Variants in CEP350 observed in about 807,000 individuals in gnomAD.
CEP350 encodes the protein centrosomal protein 350, also known as centrosome-associated protein 350.
In CEP350, 126 loss-of-function variants were observed where a neutral mutation model predicts 331.8. The ratio of observed to expected loss-of-function variants is 0.38; its 90% CI spans 0.33 to 0.44. The LOEUF is 0.44. Ranked by LOEUF, CEP350 falls within the 20% of genes least tolerant of loss-of-function variation. CEP350 has a pLI of 1.00. For synonymous variants in CEP350, 1,200 were observed against 1,259.5 expected (o/e 0.95, Z 1.00); for missense variants, 3,406 against 3,634.6 (o/e 0.94, Z 1.62).
At chr1:180,007,067 CAT>C (rs1470345244) in intron 8 of CEP350, among the ~76,000 whole-genome samples, 3 of 152,174 alleles carry the variant, frequency 2.0e-5, no homozygotes, top group Non-Finnish European at 4.4e-5. Flanking sequence ...CTGCAATAAA[CAT>C]ATGTGTGCAT....
intron 20 of CEP350, among the ~76,000 whole-genome samples, chr1:180,043,559 A>G (rs1656909639): frequency 6.6e-6 from 1 of 152,208 alleles, no homozygotes; most frequent in Non-Finnish European, 1.5e-5. Flanking sequence ...AGCTAGATCA[A>G]AGGCCCTGAA....
intron 27 of CEP350, among the ~76,000 whole-genome samples, chr1:180,066,810 G>A (rs1374986271): frequency 6.6e-6 from 1 of 152,122 alleles, no homozygotes; most frequent in Non-Finnish European, 1.5e-5. Flanking sequence ...TGGGCGTACT[G>A]TATTGTTCCA....
chr1:180,057,497 T>A (rs1288145521), intron 25 of CEP350, among the ~76,000 whole-genome samples: 2 of 151,932 alleles, frequency 1.3e-5, no homozygotes, highest in African/African-American at 2.4e-5. Context: ...GTGCCTCTAT[T>A]ATTACTATTG....
In CEP350 at chr1:180,040,649, T is replaced by A. The variant is rs555997518; in HGVS notation, c.4111-489T>A. ...ATTTCAAAGGAGATGAAAAAAAAAATATATATATATATTTATAGATAACAT... is the reference window on the plus strand; with the variant it reads ...ATTTCAAAGGAGATGAAAAAAAAAAAATATATATATATTTATAGATAACAT... On this transcript the variant is annotated intron_variant, in intron 17 of 37. Coordinates refer to ENST00000367607, the MANE Select transcript of CEP350 (RefSeq NM_014810.5). 4.5e-3 allele frequency among the ~76,000 whole-genome samples: 671 copies of A among 149,246 alleles called. 2 individuals carry two copies. The highest frequency in any genetic ancestry group is 0.011 in the Middle Eastern group (3 of 282).
intron 32 of CEP350, among the ~76,000 whole-genome samples, chr1:180,088,142 T>A (rs1659967054): frequency 6.6e-6 from 1 of 152,118 alleles, no homozygotes; most frequent in Non-Finnish European, 1.5e-5. Flanking sequence ...TATAATAACA[T>A]TCGTTATATT....
chr1:180,090,766 G>A lies in CEP350; in HGVS notation c.6478G>A (p.Gly2160Arg). 2 of 1,551,116 alleles carry A rather than the reference G, an allele frequency of 1.3e-6. No individual in the cohort carries two copies. The highest frequency in any genetic ancestry group is 2.4e-5 in the South Asian group (2 of 83,472). The change falls in exon 33 of 38, where the codon GGA (glycine) becomes AGA (arginine). Residue 2160 changes from glycine (G) to arginine (R), a missense_variant. By Grantham distance (125) the Gly-to-Arg change is moderately radical. Transcript: ENST00000367607. The part of the protein sequence containing the change: ...KSLTESERSR[G>R]SLESIAEHVD... Reference sequence around the variant, plus strand: ...ACTAACAGAGTCAGAACGTTCCAGAGGATCCCTGGAGTCTATTGCTGAACA... The same window carrying A: ...ACTAACAGAGTCAGAACGTTCCAGAAGATCCCTGGAGTCTATTGCTGAACA...
chr1:180,080,735 T>G, intron 30 of CEP350, 74 bp downstream of exon 30: 1 of 1,322,822 alleles, frequency 7.6e-7, no homozygotes, highest in East Asian at 2.3e-5. Context: ...TTCAAGGAGT[T>G]TGTTGACCTT....
chr1:180,079,987 C>T (rs1659461926), intron 29 of CEP350, among the ~76,000 whole-genome samples: 1 of 152,122 alleles, frequency 6.6e-6, no homozygotes, highest in Non-Finnish European at 1.5e-5. Flanking sequence ...CTGTTCTAAT[C>T]CCCAAGCTAG....
rs74928220 is a variant in CEP350, at chr1:180,009,514, C to G, written c.1247-2415C>G. Reference sequence around the variant, plus strand: ...TAGAGAGTCATTAAATATGCTAAAGCTGTATTAATAGTTTATGTAGTGAAA... The same window carrying G: ...TAGAGAGTCATTAAATATGCTAAAGGTGTATTAATAGTTTATGTAGTGAAA... On this transcript the variant is annotated intron_variant, in intron 8 of 37. Coordinates refer to ENST00000367607, the MANE Select transcript of CEP350 (RefSeq NM_014810.5). Among the ~76,000 whole-genome samples the G allele has an allele frequency of 4.6e-3, 698 of 152,204 alleles. 6 individuals carry two copies. The highest frequency in any genetic ancestry group is 0.016 in the African/African-American group (661 of 41,552).
intron 32 of CEP350, among the ~76,000 whole-genome samples, chr1:180,088,133 A>G (rs1659966748): frequency 6.6e-6 from 1 of 152,208 alleles, no homozygotes; most frequent in East Asian, 1.9e-4. Context: ...GAATATATTT[A>G]TAATAACATT....
intron 7 of CEP350, among the ~76,000 whole-genome samples, chr1:180,004,894 G>GCTTT (rs1491483049): frequency 4.8e-4 from 29 of 59,942 alleles, no homozygotes; most frequent in African/African-American, 1.1e-3. Context: ...TTGCTTGCTT[G>GCTTT]CTTGCTTGCT....
intron 6 of CEP350, among the ~76,000 whole-genome samples, chr1:180,001,460 T>A (rs983320622): frequency 6.6e-6 from 1 of 152,138 alleles, no homozygotes; most frequent in Non-Finnish European, 1.5e-5. Context: ...GGTTTCGCCA[T>A]GTTGGCCAGG....
intron 37 of CEP350, among the ~76,000 whole-genome samples, chr1:180,106,502 A>G (rs761735510): frequency 1.3e-5 from 2 of 152,150 alleles, no homozygotes; most frequent in African/African-American, 4.8e-5. Flanking sequence ...TTCAACATCA[A>G]CTGTAGCTCT....
intron 26 of CEP350, 126 bp downstream of exon 26, chr1:180,062,492 C>T: frequency 1.6e-6 from 2 of 1,219,916 alleles, no homozygotes; most frequent in Non-Finnish European, 2.1e-6. Context: ...GGATAAAGTT[C>T]TATGGATGGG....
intron 37 of CEP350, among the ~76,000 whole-genome samples, chr1:180,106,367 G>A (rs1661143925): frequency 6.6e-6 from 1 of 152,014 alleles, no homozygotes; most frequent in African/African-American, 2.4e-5. Flanking sequence ...ATAGCTTTGG[G>A]GCTTTACGTA....
At position 179,954,898 on chromosome 1, in the gene CEP350, T is replaced by A. The variant is rs1326386993; in HGVS notation, c.-258T>A. 18 of 570,744 alleles carry A rather than the reference T, an allele frequency of 3.2e-5. No individual in the cohort carries two copies. Among genetic ancestry groups the A allele is most frequent in the Non-Finnish European group, 5.5e-6 (2 of 363,696 alleles). 35.4% of individuals were successfully genotyped at this position (570,744 alleles called of 1,614,324 possible). ...GGGCCAGACCTGCGCCAGAGAGAAC[T>A]GCAGGGAGCCGCAGCTCGGGGGGTG... On this transcript the variant is annotated 5_prime_UTR_variant, in exon 1 of 38. Transcript: ENST00000367607.
intron 1 of CEP350, among the ~76,000 whole-genome samples, chr1:179,971,604 G>C (rs956684924): frequency 6.6e-6 from 1 of 152,176 alleles, no homozygotes; most frequent in Non-Finnish European, 1.5e-5. Flanking sequence ...GGGATTACAG[G>C]TGTGACCCAC....
Position 180,053,830 on chromosome 1 carries a change from G to T in CEP350, c.5070G>T (p.Glu1690Asp). Residue 1690 changes from glutamate to aspartate, a missense_variant, in exon 24 of 38, where the codon GAG (glutamate) becomes GAT (aspartate). Physicochemically the swap from Glu to Asp is conservative, Grantham distance 45. Coordinates refer to ENST00000367607, the MANE Select transcript of CEP350 (RefSeq NM_014810.5). The part of the protein sequence containing the change: ...TMEMVRQYMK[E>D]EEMRAAHQSS... ...AGATGGTTCGACAGTATATGAAAGAGGAAGAAATGAGGGCAGCTCACCAGT... is the reference window on the plus strand; with the variant it reads ...AGATGGTTCGACAGTATATGAAAGATGAAGAAATGAGGGCAGCTCACCAGT... The T allele has an allele frequency of 6.2e-7, 1 of 1,611,954 alleles. No homozygotes were observed. The highest frequency in any genetic ancestry group is 8.5e-7 in the Non-Finnish European group (1 of 1,178,434).
intron 18 of CEP350, 23 bp downstream of exon 18, chr1:180,041,271 C>A: frequency 2.6e-6 from 4 of 1,516,216 alleles, no homozygotes; most frequent in South Asian, 1.3e-5. Flanking sequence ...GCAGCAGGTT[C>A]TTGTTTTTTA....
Sources: allele counts gnomAD v4.1 joint callset (sites outside exome capture counted in the v4.1 genomes callset), GRCh38; gene constraint gnomAD v4.1.1; transcripts MANE v1.5; gene names NCBI Gene and HGNC (gene_info 2026-07-23, HGNC 2026-07-21).